Variants in KANSL1 observed in about 807,000 individuals in gnomAD.
KANSL1 encodes the protein MLL1/MLL complex subunit KANSL1.
KANSL1 carries 22 observed loss-of-function variants against 103.6 expected under a neutral mutation model. That is an observed-to-expected ratio of 0.21 (90% CI 0.15 to 0.30). KANSL1 has a LOEUF of 0.30. KANSL1 is among the 10% of genes least tolerant of loss of function. The probability of loss-of-function intolerance (pLI) is 1.00; values close to 1 mark genes in which losing one functional copy is unlikely to be tolerated. For missense variants in KANSL1, 1,337 were observed against 1,399.8 expected, an observed-to-expected ratio of 0.96 and a Z score of 0.72; for synonymous variants, 600 against 527.6, an observed-to-expected ratio of 1.14 and a Z score of -1.88.
chr17:46,169,488 A>C (rs1158668867), intron 2 of KANSL1: 8 of 152,258 alleles, frequency 5.3e-5, no homozygotes, highest in Non-Finnish European at 1.0e-4. Context: ...TAAAAATCAT[A>C]GCTGTCTCAA....
chr17:46,043,596 A>G (rs1368150631), intron 7 of KANSL1: 2 of 152,256 alleles, frequency 1.3e-5, no homozygotes, highest in African/African-American at 2.4e-5. Context: ...CAAACAATAC[A>G]TTAAATAACT....
intron 2 of KANSL1, among the ~76,000 whole-genome samples, chr17:46,139,860 A>G (rs2696599): frequency 0.14 from 21,943 of 152,186 alleles, 2,137 homozygotes; most frequent in Non-Finnish European, 0.22. Flanking sequence ...AAAGAAAAGA[A>G]AAGAAAAAGG....
intron 2 of KANSL1, among the ~76,000 whole-genome samples, chr17:46,104,723 T>C (rs1251052176): frequency 6.6e-6 from 1 of 152,224 alleles, no homozygotes; most frequent in Non-Finnish European, 1.5e-5. Context: ...CAAAGAAGTA[T>C]GGAAATGGCT....
At chr17:46,069,002 C>T (rs556899896) in intron 4 of KANSL1, among the ~76,000 whole-genome samples, 4 of 152,230 alleles carry the variant, frequency 2.6e-5, no homozygotes, top group Admixed American at 6.5e-5. Context: ...AGCAGCTCAC[C>T]GTAGCCTCCA....
chr17:46,174,848 A>C (rs995592598), intron 1 of KANSL1, among the ~76,000 whole-genome samples: 3 of 152,084 alleles, frequency 2.0e-5, no homozygotes, highest in African/African-American at 4.8e-5. Context: ...TAATTTTTTG[A>C]ATTTTTGTAG....
chr17:46,137,966 T>C (rs535633963), intron 2 of KANSL1, among the ~76,000 whole-genome samples: 7 of 152,242 alleles, frequency 4.6e-5, no homozygotes, highest in Admixed American at 2.0e-4. Flanking sequence ...GTGTTAAAAT[T>C]TGTTCTCAAG....
rs568620989 is a variant in KANSL1, at chr17:46,180,447, G to A, written c.-89-8215C>T. On this transcript the variant is annotated intron_variant, in intron 1 of 14. Transcript: ENST00000432791. ...TGAGCGGCAGAGGTTGCAGTGAGCC[G>A]AGATCGCACCATTGCACTCCAGCCT... Among the ~76,000 whole-genome samples the A allele has an allele frequency of 3.7e-4, 57 of 152,258 alleles. No individual in the cohort carries two copies. In the South Asian group the frequency reaches 0.011, roughly 31 times the overall value.
intron 1 of KANSL1, among the ~76,000 whole-genome samples, chr17:46,206,557 T>C (rs2047976412): frequency 6.6e-6 from 1 of 152,188 alleles, no homozygotes; most frequent in Admixed American, 6.5e-5. Flanking sequence ...AAGACCCCCA[T>C]CTCTACAAGA....
At chr17:46,173,789 GA>G (rs2046395111) in intron 1 of KANSL1, among the ~76,000 whole-genome samples, 1 of 152,166 alleles carries the variant, frequency 6.6e-6, no homozygotes, top group African/African-American at 2.4e-5. Flanking sequence ...TGTCCTTGAT[GA>G]ACAGCAAAAA....
chr17:46,031,574 G>A lies in KANSL1; in HGVS notation c.3220C>T (p.Arg1074Trp), dbSNP rs1380751165. 9.9e-6 allele frequency: 16 copies of A among 1,613,998 alleles called. No individual in the cohort carries two copies. The highest frequency in any genetic ancestry group is 1.2e-5 in the Non-Finnish European group (14 of 1,180,030). Residue 1074 changes from arginine (R) to tryptophan (W), a missense_variant, in exon 15 of 15, where the codon CGG becomes TGG. By Grantham distance (101) the Arg-to-Trp change is moderately radical. This residue lies in a region of KANSL1 where 780 missense variants were observed against 923.4 expected (regional missense o/e 0.84). Coordinates refer to ENST00000432791, the MANE Select transcript of KANSL1 (RefSeq NM_015443.4). Reference protein sequence around the residue: ...TRRTSGSKTGRETEAAPTSPP... With the variant: ...TRRTSGSKTGWETEAAPTSPP... The stretch of plus-strand genomic sequence containing the variant: ...GAGGTGGGCGCTGCCTCTGTCTCCC[G>A]GCCAGTCTTGCTGCCTGAGGTGCGT...
At chr17:46,060,928 CT>C (rs2078136402) in intron 6 of KANSL1, among the ~76,000 whole-genome samples, 1 of 152,152 alleles carries the variant, frequency 6.6e-6, no homozygotes, top group African/African-American at 2.4e-5. Flanking sequence ...GCAATCCCCC[CT>C]ATGACAACAA....
chr17:46,104,136 G>C (rs1281732040), intron 2 of KANSL1, among the ~76,000 whole-genome samples: 1 of 152,142 alleles, frequency 6.6e-6, no homozygotes, highest in Admixed American at 6.5e-5. Context: ...GTTTAAGATT[G>C]AGATATGTTT....
chr17:46,105,935 ACACACACACACACCC>A (rs1567680711), intron 2 of KANSL1, among the ~76,000 whole-genome samples: 2,297 of 90,222 alleles, frequency 0.025, 32 homozygotes, highest in Non-Finnish European at 0.042. Context: ...ACACACACAC[ACACACACACACACCC>A]CCCCAGAAGG....
At chr17:46,105,169 A>T (rs1396320434) in intron 2 of KANSL1, among the ~76,000 whole-genome samples, 2 of 152,242 alleles carry the variant, frequency 1.3e-5, no homozygotes, top group Non-Finnish European at 2.9e-5. Flanking sequence ...AGCAAATGAC[A>T]AATAGTGAAA....
chr17:46,063,307 A>G (rs1281191016), intron 6 of KANSL1, among the ~76,000 whole-genome samples: 1 of 152,222 alleles, frequency 6.6e-6, no homozygotes, highest in Non-Finnish European at 1.5e-5. Context: ...TGTTTTCCTT[A>G]CCAATGCAAC....
intron 6 of KANSL1, among the ~76,000 whole-genome samples, chr17:46,060,716 G>T (rs1323160220): frequency 6.6e-6 from 1 of 152,162 alleles, no homozygotes; most frequent in Non-Finnish European, 1.5e-5. Context: ...CATGAAACTG[G>T]ATTTAAATAG....
At chr17:46,143,589 G>C (rs938017129) in intron 2 of KANSL1, among the ~76,000 whole-genome samples, 1 of 152,084 alleles carries the variant, frequency 6.6e-6, no homozygotes, top group Non-Finnish European at 1.5e-5. Context: ...TAGATCACGA[G>C]GTCAGGAGAT....
At chr17:46,141,073 A>G (rs556081477) in intron 2 of KANSL1, among the ~76,000 whole-genome samples, 1 of 106,416 alleles carries the variant, frequency 9.4e-6, no homozygotes, top group South Asian at 2.5e-4. Flanking sequence ...CTGTTTGTTT[A>G]AAAAAAAAAA....
intron 1 of KANSL1, chr17:46,222,885 G>A (rs1397808316): frequency 1.3e-5 from 2 of 151,096 alleles, no homozygotes; most frequent in African/African-American, 2.5e-5. Context: ...TGTATTTTTA[G>A]TCACAAGAAA....
Sources: allele counts gnomAD v4.1 joint callset (sites outside exome capture counted in the v4.1 genomes callset), GRCh38; gene constraint gnomAD v4.1.1; regional missense constraint gnomAD v4.1.1; transcripts MANE v1.5; gene names NCBI Gene and HGNC (gene_info 2026-07-23, HGNC 2026-07-21).